The following TCF20 variants were observed in gnomAD, a reference collection of about 807,000 sequenced individuals.
TCF20 encodes SPRE-binding protein.
Under a neutral mutation model 148.6 loss-of-function variants are expected in TCF20, and 3 were observed. That is an observed-to-expected ratio of 0.02 (90% CI 0.01 to 0.05). The LOEUF (loss-of-function observed/expected upper bound fraction) is 0.05. Among genes scored for constraint, TCF20 ranks in the 10% least tolerant of loss-of-function variants. The pLI is 1.00. For synonymous variants in TCF20, 1,049 were observed against 909.5 expected, an observed-to-expected ratio of 1.15 and a Z score of -2.76; for missense variants, 2,350 against 2,429.3, an observed-to-expected ratio of 0.97 and a Z score of 0.69.
Position 42,292,315 on chromosome 22 carries a change from C to T in TCF20, c.-37+51164G>A, listed in dbSNP as rs1927147876. On this transcript the variant is annotated intron_variant, in intron 1 of 1. Transcript: ENST00000515426. This position sits in a 1 kb window ranked among gnomAD's most constrained non-coding sequence, Gnocchi z 4.9. ...TGTTCCGTGTCCTGATCCGCTGAGG[C>T]CCCAGTGCTAAAATCAGGCCACGTG... 6.6e-6 allele frequency among the ~76,000 whole-genome samples: 1 copy of T among 152,180 alleles called. No homozygotes were observed. Among genetic ancestry groups the T allele is most frequent in the Non-Finnish European group, 1.5e-5 (1 of 68,028 alleles).
chr22:42,294,040 C>T lies in TCF20; in HGVS notation c.-37+49439G>A, dbSNP rs1345145805. Among the ~76,000 whole-genome samples the T allele has an allele frequency of 2.0e-5, 3 of 152,326 alleles. No individual in the cohort carries two copies. In the East Asian group the frequency reaches 5.8e-4, roughly 29 times the overall value. On this transcript the variant is annotated intron_variant, in intron 1 of 1. Transcript: ENST00000515426. ...CTGCCCATGTCTCCATTTGGGCTCT[C>T]ACAGGGGCTTGTTTTGAAAGCCAGG...
chr22:42,286,818 C>G (rs1408093363), upstream of TCF20, among the ~76,000 whole-genome samples: 1 of 152,186 alleles, frequency 6.6e-6, no homozygotes, highest in Non-Finnish European at 1.5e-5. Context: ...TGTGCCTCCT[C>G]GTACCAGGCC....
chr22:42,341,414 C>T (rs985817987), intron 1 of TCF20, among the ~76,000 whole-genome samples: 21 of 152,078 alleles, frequency 1.4e-4, no homozygotes, highest in Non-Finnish European at 2.8e-4. Flanking sequence ...TGGAGACACC[C>T]GAGACAGGAC....
At chr22:42,267,871 C>T (rs968100618) in intron 1 of TCF20, among the ~76,000 whole-genome samples, 3 of 152,152 alleles carry the variant, frequency 2.0e-5, no homozygotes, top group Non-Finnish European at 2.9e-5. Flanking sequence ...CTAGCCCAGG[C>T]GCAGTGGTTC....
At chr22:42,331,901 G>C (rs1439736682) in intron 1 of TCF20, among the ~76,000 whole-genome samples, 1 of 152,242 alleles carries the variant, frequency 6.6e-6, no homozygotes, top group Non-Finnish European at 1.5e-5. Context: ...GGAATGTAGT[G>C]GAAAGAGTAC....
intron 1 of TCF20, among the ~76,000 whole-genome samples, chr22:42,334,990 T>A (rs1218617061): frequency 2.0e-5 from 3 of 152,130 alleles, no homozygotes; most frequent in Non-Finnish European, 4.4e-5. Context: ...AGGCCCTGGC[T>A]GCCTACAGTA....
intron 1 of TCF20, among the ~76,000 whole-genome samples, chr22:42,263,582 C>G (rs1426461798): frequency 6.6e-6 from 1 of 152,176 alleles, no homozygotes; most frequent in Non-Finnish European, 1.5e-5. Context: ...TGAACTAAAT[C>G]TGATCATGGC....
At chr22:42,261,438 T>G (rs549778274) in intron 1 of TCF20, among the ~76,000 whole-genome samples, 1 of 152,244 alleles carries the variant, frequency 6.6e-6, no homozygotes, top group Non-Finnish European at 1.5e-5. Context: ...TATACTCCCA[T>G]CAGCAGTGCA....
At chr22:42,242,202 CAAAAAAAAAAAAA>C (rs151190006) in intron 1 of TCF20, among the ~76,000 whole-genome samples, 1 of 59,802 alleles carries the variant, frequency 1.7e-5, no homozygotes, top group African/African-American at 9.1e-5. Context: ...GACTTCGCCT[CAAAAAAAAAAAAA>C]AAAAAAAAAA....
intron 1 of TCF20, among the ~76,000 whole-genome samples, chr22:42,253,837 G>A (rs957891830): frequency 1.3e-5 from 2 of 152,068 alleles, no homozygotes; most frequent in Admixed American, 1.3e-4. Context: ...CAGCACTTTG[G>A]GAGGCCAGGC....
Position 42,210,065 on chromosome 22 carries a change from G to C in TCF20, c.5241C>G (p.Ser1747Arg). 6.2e-7 allele frequency: 1 copy of C among 1,613,564 alleles called. No homozygotes were observed. Among genetic ancestry groups the C allele is most frequent in the Non-Finnish European group, 8.5e-7 (1 of 1,180,020 alleles). Reference sequence around the variant, plus strand: ...CACTTTTGTGCCGTACCTTAACTTTGCTCTGCATTTCTGTGGCCCTCTTAG... The same window carrying C: ...CACTTTTGTGCCGTACCTTAACTTTCCTCTGCATTTCTGTGGCCCTCTTAG... ...PPPKRATEMQ[S>R]KVKVRHKSAS... is the part of the protein sequence containing the mutation. The change falls in exon 2 of 6, where the codon AGC becomes AGG. Residue 1747 changes from serine (S) to arginine (R), a missense_variant. Coordinates refer to ENST00000677622, the MANE Select transcript of TCF20 (RefSeq NM_001378418.1). The surrounding 1 kb of genome is among the most constrained non-coding windows in gnomAD (Gnocchi z 4.7).
chr22:42,205,604 G>A (rs1294541429), intron 2 of TCF20, among the ~76,000 whole-genome samples: 1 of 152,116 alleles, frequency 6.6e-6, no homozygotes, highest in Non-Finnish European at 1.5e-5. Flanking sequence ...AAGTATCCTG[G>A]ACAATTGAAA....
intron 1 of TCF20, among the ~76,000 whole-genome samples, chr22:42,342,306 G>A (rs1413166390): frequency 6.6e-6 from 1 of 152,190 alleles, no homozygotes; most frequent in Non-Finnish European, 1.5e-5. Flanking sequence ...GGGCTGACTG[G>A]ATGGACAGGC....
chr22:42,320,451 A>C (rs1927711305), intron 1 of TCF20, among the ~76,000 whole-genome samples: 1 of 151,758 alleles, frequency 6.6e-6, no homozygotes. Context: ...CAGGTCTCTG[A>C]CTCAATGTGC....
chr22:42,229,163 TC>T (rs1923174880), intron 1 of TCF20, among the ~76,000 whole-genome samples: 1 of 150,834 alleles, frequency 6.6e-6, no homozygotes, highest in African/African-American at 2.4e-5. Flanking sequence ...AGTGGGGGGG[TC>T]CCAAGCAAAT....
intron 2 of TCF20, among the ~76,000 whole-genome samples, chr22:42,196,495 T>C (rs1329414109): frequency 6.6e-6 from 1 of 152,152 alleles, no homozygotes; most frequent in South Asian, 2.1e-4. Flanking sequence ...ACAGAATAAT[T>C]TGGGAACTGT....
At position 42,211,250 on chromosome 22, in the gene TCF20, C is replaced by T; in HGVS notation, c.4056G>A (p.Leu1352=). ...LPPRKGRGLK[L]EAIVQKITSP... is the part of the protein sequence containing the mutation. ...ATGTAATCTTCTGAACTATAGCTTC[C>T]AATTTCAATCCCCGTCCTTTCCGTG... The change falls in exon 2 of 6, where the codon TTG becomes TTA. Residue 1352 remains leucine (L), a synonymous_variant. Coordinates refer to ENST00000677622, the MANE Select transcript of TCF20 (RefSeq NM_001378418.1). 1 of 1,614,138 alleles carries T rather than the reference C, an allele frequency of 6.2e-7. No homozygotes were observed. Among genetic ancestry groups the T allele is most frequent in the African/African-American group, 1.3e-5 (1 of 75,016 alleles).
At chr22:42,175,883 T>C (rs999212842) in intron 3 of TCF20, among the ~76,000 whole-genome samples, 1 of 152,098 alleles carries the variant, frequency 6.6e-6, no homozygotes, top group African/African-American at 2.4e-5. Flanking sequence ...CTGAGGGTCA[T>C]GCAGCCCCTC....
At position 42,211,070 on chromosome 22, in the gene TCF20, C is replaced by T. The variant is rs1303104185; in HGVS notation, c.4236G>A (p.Val1412=). The T allele has an allele frequency of 1.1e-5, 18 of 1,614,026 alleles. No individual in the cohort carries two copies. Among genetic ancestry groups the T allele is most frequent in the Non-Finnish European group, 1.5e-5 (18 of 1,180,024 alleles). The part of the protein sequence containing the change: ...DADIEKRKGE[V]ASDLVSPANQ... Reference sequence around the variant, plus strand: ...TTGCTGGACTGACTAGGTCCGAAGCCACCTCACCTTTTCTCTTCTCTATGT... The same window carrying T: ...TTGCTGGACTGACTAGGTCCGAAGCTACCTCACCTTTTCTCTTCTCTATGT... The change falls in exon 2 of 6, where the codon GTG becomes GTA. Residue 1412 remains valine, a synonymous_variant. Transcript: ENST00000677622.
Sources: allele counts gnomAD v4.1 joint callset (sites outside exome capture counted in the v4.1 genomes callset), GRCh38; gene constraint gnomAD v4.1.1; non-coding constraint Gnocchi (gnomAD v3.1); transcripts MANE v1.5; gene names NCBI Gene and HGNC (gene_info 2026-07-23, HGNC 2026-07-21).